CNOT10: variants seen among roughly 807,000 people sequenced by gnomAD.
CNOT10 encodes the protein CCR4-NOT transcription complex subunit 10, also known as CCR4-NOT transcription complex, subunit 10.
A neutral mutation model predicts 94.6 loss-of-function variants in CNOT10; 30 were observed. The ratio of observed to expected loss-of-function variants is 0.32; its 90% CI spans 0.24 to 0.43. The LOEUF is 0.43. Ranked by LOEUF, CNOT10 falls within the 20% of genes least tolerant of loss-of-function variation. The probability of loss-of-function intolerance (pLI) is 1.00; values close to 1 mark genes in which losing one functional copy is unlikely to be tolerated. For missense variants in CNOT10, 759 were observed against 877.2 expected (o/e 0.87, Z 1.70); for synonymous variants, 289 against 301.6 (o/e 0.96, Z 0.43).
chr3:32,736,829 C>T (rs772997040), intron 12 of CNOT10, among the ~76,000 whole-genome samples: 1 of 151,370 alleles, frequency 6.6e-6, no homozygotes, highest in Non-Finnish European at 1.5e-5. Context: ...ATGAGAAATG[C>T]GCGAAAATAT....
Position 32,703,905 on chromosome 3 carries a change from C to T in CNOT10, c.60C>T (p.Ser20=), listed in dbSNP as rs1697488298. Reference sequence around the variant, plus strand: ...AGAAACATGAAGGCACAGGTCAGTCCTCTGGGATCACTGATCAAGAGAAGG... The same window carrying T: ...AGAAACATGAAGGCACAGGTCAGTCTTCTGGGATCACTGATCAAGAGAAGG... ...GAEKHEGTGQ[S]SGITDQEKEL... Residue 20 remains serine (S), a synonymous_variant, in exon 2 of 19, where the codon TCC becomes TCT. Coordinates refer to ENST00000328834, the MANE Select transcript of CNOT10 (RefSeq NM_015442.3). The T allele has an allele frequency of 6.2e-7, 1 of 1,613,736 alleles. No homozygotes were observed. The highest frequency in any genetic ancestry group is 8.5e-7 in the Non-Finnish European group (1 of 1,179,718).
chr3:32,732,079 A>G (rs761221114), intron 10 of CNOT10, among the ~76,000 whole-genome samples: 54 of 151,766 alleles, frequency 3.6e-4, no homozygotes, highest in Non-Finnish European at 6.5e-4. Context: ...ACTCCATCTC[A>G]AAAAAATAAA....
chr3:32,772,135 G>A (rs1700933444), intron 18 of CNOT10, among the ~76,000 whole-genome samples: 1 of 152,146 alleles, frequency 6.6e-6, no homozygotes, highest in Non-Finnish European at 1.5e-5. Context: ...CAGATCATGA[G>A]GTCAGGAGAT....
At chr3:32,750,728 T>C (rs1279629105) in intron 13 of CNOT10, among the ~76,000 whole-genome samples, 1 of 151,952 alleles carries the variant, frequency 6.6e-6, no homozygotes, top group Non-Finnish European at 1.5e-5. Context: ...ATTTTTGTAT[T>C]TTTAGCAGAG....
chr3:32,706,781 G>A (rs1486216498), intron 3 of CNOT10, among the ~76,000 whole-genome samples: 2 of 152,164 alleles, frequency 1.3e-5, no homozygotes, highest in Non-Finnish European at 2.9e-5. Context: ...TTTGGAAATT[G>A]AGTTTTCACT....
intron 1 of CNOT10, among the ~76,000 whole-genome samples, chr3:32,695,988 T>A (rs943197397): frequency 1.0e-4 from 15 of 148,174 alleles, no homozygotes; most frequent in Admixed American, 6.1e-4. Context: ...TGTGTGTGTG[T>A]GTGTGTGTGT....
intron 18 of CNOT10, among the ~76,000 whole-genome samples, chr3:32,773,104 C>T (rs1231104254): frequency 9.9e-5 from 15 of 152,084 alleles, no homozygotes; most frequent in Admixed American, 6.6e-5. Flanking sequence ...TGAGCTCAGG[C>T]GATCTGCCCA....
intron 13 of CNOT10, among the ~76,000 whole-genome samples, chr3:32,740,800 T>G (rs568134470): frequency 1.8e-4 from 27 of 151,444 alleles, no homozygotes; most frequent in Non-Finnish European, 3.5e-4. Flanking sequence ...AGACGGAGCT[T>G]GCAATAAGCC....
chr3:32,757,899 T>A (rs986792652), intron 13 of CNOT10, among the ~76,000 whole-genome samples: 1 of 152,190 alleles, frequency 6.6e-6, no homozygotes, highest in Non-Finnish European at 1.5e-5. Flanking sequence ...GTAATAAGGG[T>A]CAGATTTAAA....
chr3:32,700,241 G>T (rs1697276937), intron 1 of CNOT10, among the ~76,000 whole-genome samples: 1 of 152,106 alleles, frequency 6.6e-6, no homozygotes, highest in Non-Finnish European at 1.5e-5. Context: ...CTCCCAAAGT[G>T]CTGGGATTAC....
chr3:32,692,643 T>C (rs1010955473), intron 1 of CNOT10, among the ~76,000 whole-genome samples: 3 of 152,226 alleles, frequency 2.0e-5, no homozygotes, highest in African/African-American at 7.2e-5. Context: ...AAATATCCAC[T>C]GTTGTTGATT....
At chr3:32,766,409 G>A (rs1700643960) in intron 17 of CNOT10, among the ~76,000 whole-genome samples, 2 of 47,050 alleles carry the variant, frequency 4.3e-5, no homozygotes, top group African/African-American at 6.6e-5. Context: ...GAGGTGGGCG[G>A]ATCATGAGGT....
chr3:32,764,831 C>G (rs527696474), intron 17 of CNOT10, 22 bp downstream of exon 17: 2 of 1,610,818 alleles, frequency 1.2e-6, no homozygotes, highest in South Asian at 2.2e-5. Context: ...GTGGGAGGAA[C>G]TGAACCTTGT....
Position 32,720,243 on chromosome 3 carries a change from TTGTGAAA to T in CNOT10, c.862+14_862+20del. ...ATTCATGAAAACAGGTAAAAGAAAA[TTGTGAAA>T]TTTTAACTTTTTTTTGCCTTGCTCT... On this transcript the variant is annotated intron_variant, in intron 8 of 18. Transcript: ENST00000328834. 1 of 1,431,582 alleles carries T rather than the reference TTGTGAAA, an allele frequency of 7.0e-7. No homozygotes were observed. Among genetic ancestry groups the T allele is most frequent in the Admixed American group, 1.7e-5 (1 of 58,112 alleles). 88.7% of individuals were successfully genotyped at this position (1,431,582 alleles called of 1,614,324 possible).
At chr3:32,762,173 A>G (rs1195076844) in intron 14 of CNOT10, among the ~76,000 whole-genome samples, 2 of 151,486 alleles carry the variant, frequency 1.3e-5, no homozygotes, top group Admixed American at 6.6e-5. Context: ...AGTTAAAAAA[A>G]AAAAAAAAAG....
chr3:32,710,305 G>A lies in CNOT10; in HGVS notation c.430+1485G>A, dbSNP rs75299669. ...TTTTTTTTTAAACTTTTACTGCTTGGATTTTTTTTAAAGACTGTTTTTTTA... is the reference window on the plus strand; with the variant it reads ...TTTTTTTTTAAACTTTTACTGCTTGAATTTTTTTTAAAGACTGTTTTTTTA... On this transcript the variant is annotated intron_variant, in intron 4 of 18. Coordinates refer to ENST00000328834, the MANE Select transcript of CNOT10 (RefSeq NM_015442.3). Among the ~76,000 whole-genome samples the A allele has an allele frequency of 6.5e-3, 972 of 149,264 alleles. 4 individuals are homozygous for A. Among genetic ancestry groups the A allele is most frequent in the Non-Finnish European group, 0.011 (720 of 67,384 alleles).
intron 13 of CNOT10, among the ~76,000 whole-genome samples, chr3:32,745,475 T>TATACTCACAC (rs55661220): frequency 6.6e-6 from 1 of 152,098 alleles, no homozygotes; most frequent in Non-Finnish European, 1.5e-5. Context: ...AAGGATTGAA[T>TATACTCACAC]AAACATTCTG....
chr3:32,710,329 T>A (rs1697827621), intron 4 of CNOT10, among the ~76,000 whole-genome samples: 1 of 151,836 alleles, frequency 6.6e-6, no homozygotes, highest in Non-Finnish European at 1.5e-5. Flanking sequence ...ACTGTTTTTT[T>A]AGAGAAGGTT....
chr3:32,738,440 A>G (rs1338518617), intron 13 of CNOT10, among the ~76,000 whole-genome samples: 1 of 151,826 alleles, frequency 6.6e-6, no homozygotes, highest in East Asian at 1.9e-4. Flanking sequence ...CTTGTTCAAC[A>G]ACACTTTTTT....
Sources: allele counts gnomAD v4.1 joint callset (sites outside exome capture counted in the v4.1 genomes callset), GRCh38; gene constraint gnomAD v4.1.1; transcripts MANE v1.5; gene names NCBI Gene and HGNC (gene_info 2026-07-23, HGNC 2026-07-21).